Variants in KLHL1 observed in about 807,000 individuals in gnomAD.
KLHL1 encodes kelch-like protein 1.
A neutral mutation model predicts 77.7 loss-of-function variants in KLHL1; 47 were observed. The observed-to-expected ratio is 0.60, with a 90% CI of 0.48 to 0.77. KLHL1 has a LOEUF of 0.77. KLHL1 is among the 30% of genes least tolerant of loss of function. The pLI, the probability that KLHL1 is intolerant of heterozygous loss-of-function variation, is 0.00. For synonymous variants in KLHL1, 360 were observed against 325.2 expected (o/e 1.11, Z -1.15); for missense variants, 925 against 910.8 (o/e 1.02, Z -0.20).
At chr13:69,900,817 G>A (rs536068612) in intron 4 of KLHL1, among the ~76,000 whole-genome samples, 7 of 152,186 alleles carry the variant, frequency 4.6e-5, no homozygotes, top group Admixed American at 4.6e-4. Context: ...GAAGGCATCT[G>A]TCCTTATTAA....
chr13:69,876,619 A>G (rs1290979571), intron 5 of KLHL1, among the ~76,000 whole-genome samples: 1 of 152,210 alleles, frequency 6.6e-6, no homozygotes, highest in African/African-American at 2.4e-5. Context: ...TTTGCTACAG[A>G]AAATAAATGT....
Position 69,831,263 on chromosome 13 carries a change from A to C in KLHL1, c.1414+7713T>G, listed in dbSNP as rs768989737. Among the ~76,000 whole-genome samples the C allele has an allele frequency of 2.9e-4, 43 of 150,082 alleles. 1 individual carries two copies. The highest frequency in any genetic ancestry group is 4.9e-4 in the Non-Finnish European group (33 of 67,718). On this transcript the variant is annotated intron_variant, in intron 6 of 10. Coordinates refer to ENST00000377844, the MANE Select transcript of KLHL1 (RefSeq NM_020866.3). ...GGCTCAATTAGAAATGAAACAGGAG[A>C]TATTACAACTGATAACACAGAAATA...
intron 6 of KLHL1, among the ~76,000 whole-genome samples, chr13:69,837,440 C>T (rs1343802580): frequency 6.6e-6 from 1 of 151,020 alleles, no homozygotes; most frequent in Non-Finnish European, 1.5e-5. Flanking sequence ...TGATTACAAG[C>T]AACAAAAGTA....
chr13:69,870,985 G>A (rs1186381332), intron 5 of KLHL1, among the ~76,000 whole-genome samples: 2 of 152,042 alleles, frequency 1.3e-5, no homozygotes, highest in Non-Finnish European at 2.9e-5. Flanking sequence ...GGGTCTGGAG[G>A]GCAGTGTCTC....
chr13:69,917,262 G>T (rs2138256686), intron 4 of KLHL1, among the ~76,000 whole-genome samples: 1 of 151,924 alleles, frequency 6.6e-6, no homozygotes, highest in South Asian at 2.1e-4. Context: ...TAAATAAAAT[G>T]AAATGCTTAA....
chr13:69,995,156 A>ATTGTT (rs1336769058), intron 1 of KLHL1, among the ~76,000 whole-genome samples: 10 of 152,118 alleles, frequency 6.6e-5, no homozygotes, highest in Non-Finnish European at 1.5e-4. Flanking sequence ...ACAACAACAA[A>ATTGTT]GTCAAGTAAT....
chr13:70,028,815 G>C (rs1166178370), intron 1 of KLHL1, among the ~76,000 whole-genome samples: 1 of 151,848 alleles, frequency 6.6e-6, no homozygotes, highest in Non-Finnish European at 1.5e-5. Flanking sequence ...CATCTCTACA[G>C]AAAATACAAA....
chr13:69,874,738 A>G (rs1880704689), intron 5 of KLHL1, among the ~76,000 whole-genome samples: 1 of 152,124 alleles, frequency 6.6e-6, no homozygotes, highest in South Asian at 2.1e-4. Flanking sequence ...TTATAAACCA[A>G]CTTAATTTGG....
At chr13:69,716,780 T>G (rs73522005) in intron 9 of KLHL1, among the ~76,000 whole-genome samples, 12,696 of 152,232 alleles carry the variant, frequency 0.083, 661 homozygotes, top group Non-Finnish European at 0.11. Context: ...CTTCTAATAC[T>G]GTAAGCTCTG....
At chr13:69,841,198 A>G (rs1005116984) in intron 5 of KLHL1, among the ~76,000 whole-genome samples, 5 of 151,308 alleles carry the variant, frequency 3.3e-5, no homozygotes, top group African/African-American at 1.2e-4. Context: ...TCAACATAGT[A>G]TTGGAAGTCT....
intron 7 of KLHL1, among the ~76,000 whole-genome samples, chr13:69,744,909 T>C (rs938848536): frequency 1.3e-5 from 2 of 152,068 alleles, no homozygotes; most frequent in Non-Finnish European, 2.9e-5. Flanking sequence ...CCAGTTCTAA[T>C]ATTTTAAGAA....
chr13:69,898,597 C>T (rs1053290701), intron 4 of KLHL1, among the ~76,000 whole-genome samples: 1 of 152,122 alleles, frequency 6.6e-6, no homozygotes, highest in Non-Finnish European at 1.5e-5. Context: ...TATGGCCCCA[C>T]TATTGAATAT....
chr13:69,865,820 T>G (rs775043883), intron 5 of KLHL1, among the ~76,000 whole-genome samples: 1 of 152,142 alleles, frequency 6.6e-6, no homozygotes, highest in African/African-American at 2.4e-5. Context: ...CATTCCACTC[T>G]CCTAAGAAAT....
chr13:70,032,712 A>T (rs1202047957), intron 1 of KLHL1, among the ~76,000 whole-genome samples: 2 of 152,326 alleles, frequency 1.3e-5, no homozygotes, highest in Middle Eastern at 3.4e-3. Context: ...GTATTATTCT[A>T]TGCATTTAGA....
intron 1 of KLHL1, among the ~76,000 whole-genome samples, chr13:70,055,386 C>A (rs931215216): frequency 4.6e-5 from 7 of 152,088 alleles, no homozygotes; most frequent in African/African-American, 1.7e-4. Context: ...TGAGGGATTT[C>A]AACACCAGAA....
At chr13:69,729,602 C>A (rs1873452988) in intron 8 of KLHL1, among the ~76,000 whole-genome samples, 2 of 151,982 alleles carry the variant, frequency 1.3e-5, no homozygotes, top group South Asian at 4.1e-4. Context: ...TGCTATGGGT[C>A]TGAAGTAAAA....
intron 9 of KLHL1, among the ~76,000 whole-genome samples, chr13:69,716,004 C>G (rs962414897): frequency 2.0e-5 from 3 of 151,974 alleles, no homozygotes; most frequent in African/African-American, 7.3e-5. Flanking sequence ...AATACTCTGC[C>G]AAGATGAGGC....
chr13:69,783,090 T>C (rs9572282), intron 7 of KLHL1, among the ~76,000 whole-genome samples: 53,504 of 152,048 alleles, frequency 0.35, 9,606 homozygotes, highest in African/African-American at 0.39. Flanking sequence ...CTCTAGCAAA[T>C]TCCAACAGAC....
At chr13:69,787,456 T>C (rs934979334) in intron 7 of KLHL1, among the ~76,000 whole-genome samples, 10 of 152,172 alleles carry the variant, frequency 6.6e-5, no homozygotes, top group Non-Finnish European at 1.2e-4. Flanking sequence ...TGGCTAGCCA[T>C]ATGTAGAAAG....
Sources: allele counts gnomAD v4.1 joint callset (sites outside exome capture counted in the v4.1 genomes callset), GRCh38; gene constraint gnomAD v4.1.1; transcripts MANE v1.5; gene names NCBI Gene and HGNC (gene_info 2026-07-23, HGNC 2026-07-21).